Variants in MZT2A observed in about 807,000 individuals in gnomAD.
The protein encoded by MZT2A is mitotic-spindle organizing protein 2A.
In MZT2A, 8 loss-of-function variants were observed where a neutral mutation model predicts 12.4. The ratio of observed to expected loss-of-function variants is 0.64; its 90% CI spans 0.38 to 1.16. The LOEUF (loss-of-function observed/expected upper bound fraction) is 1.16. Among genes scored for constraint, MZT2A ranks in the 50% most tolerant of loss-of-function variants. The probability of loss-of-function intolerance (pLI) is 0.01; values close to 1 mark genes in which losing one functional copy is unlikely to be tolerated. For synonymous variants in MZT2A, 88 were observed against 107.5 expected (o/e 0.82, Z 1.12); for missense variants, 181 against 223.6 (o/e 0.81, Z 1.22).
At position 131,492,330 on chromosome 2, in the gene MZT2A, G is replaced by A; in HGVS notation, c.47C>T (p.Pro16Leu). The change falls in exon 1 of 3, where the codon CCG (proline) becomes CTG (leucine). Residue 16 changes from proline (P) to leucine (L), a missense_variant. This residue lies in a region of MZT2A where 106 missense variants were observed against 127.2 expected (regional missense o/e 0.83). Coordinates refer to ENST00000309451, the MANE Select transcript of MZT2A (RefSeq NM_001085365.2). ...CTTCTGCCGGGCCGCCTCCAGCCCCGGGGGCGCCGCCGACCCCGGCCCAGG... is the reference window on the plus strand; with the variant it reads ...CTTCTGCCGGGCCGCCTCCAGCCCCAGGGGCGCCGCCGACCCCGGCCCAGG... The part of the protein sequence containing the change: ...VGPGPGSAAP[P>L]GLEAARQKLA... The A allele has an allele frequency of 2.7e-6, 4 of 1,509,000 alleles. No individual in the cohort carries two copies. Among genetic ancestry groups the A allele is most frequent in the Non-Finnish European group, 2.6e-6 (3 of 1,137,214 alleles). The allele number at this position is 1,509,000 out of a possible 1,614,324, so 93.5% of individuals were successfully genotyped here. A position where few individuals can be genotyped will look rare whatever the true frequency, so the allele number is the denominator to read the frequency against.
downstream of MZT2A, chr2:131,482,466 G>A: frequency 2.6e-6 from 4 of 1,528,978 alleles, no homozygotes; most frequent in Admixed American, 2.1e-5. Context: ...GTCACCTACA[G>A]GGTGTCTTCT....
chr2:131,488,083 G>A (rs955682712), intron 2 of MZT2A, among the ~76,000 whole-genome samples: 4 of 152,078 alleles, frequency 2.6e-5, no homozygotes, highest in Non-Finnish European at 4.4e-5. Flanking sequence ...CATCTGCTGC[G>A]CATACCACAC....
chr2:131,477,903 CAAGTTTTAAAATAACCT>C (rs1678727220), intron 2 of MZT2A, among the ~76,000 whole-genome samples: 1 of 152,148 alleles, frequency 6.6e-6, no homozygotes, highest in Non-Finnish European at 1.5e-5. Flanking sequence ...ACATGGCTTC[CAAGTTTTAAAATAACCT>C]AAGTTTTGTG....
At chr2:131,480,482 C>T (rs1272270445), downstream of MZT2A, 7 of 1,589,366 alleles carry the variant, frequency 4.4e-6, 1 homozygote, top group Non-Finnish European at 6.0e-6. Flanking sequence ...TGCCGTACCC[C>T]CGCATCCACT....
chr2:131,480,519 A>G, downstream of MZT2A: 1 of 1,602,312 alleles, frequency 6.2e-7, no homozygotes, highest in Non-Finnish European at 8.5e-7. Context: ...TGCCCCAGTC[A>G]TCTCAGCTGA....
rs1679272048 is a variant in MZT2A at position 131,490,974 on chromosome 2, T to C, written c.319+902A>G. Reference sequence around the variant, plus strand: ...CCAGCACGCAGGTGCCCGGGCCCTCTTGGGTCAGCGGGCGTGGGTGCCCAG... The same window carrying C: ...CCAGCACGCAGGTGCCCGGGCCCTCCTGGGTCAGCGGGCGTGGGTGCCCAG... On this transcript the variant is annotated intron_variant, in intron 2 of 2. Transcript: ENST00000309451. 15 of 1,548,174 alleles carry C rather than the reference T, an allele frequency of 9.7e-6. No homozygotes were observed. In the South Asian group the frequency reaches 1.7e-4, roughly 17 times the overall value.
chr2:131,492,538 A>G, upstream of MZT2A: 1 of 1,126,286 alleles, frequency 8.9e-7, no homozygotes, highest in Non-Finnish European at 1.1e-6. Context: ...ATTGGAGCCC[A>G]ACAGTTAGTG....
At chr2:131,483,711 T>C (rs1470316000), downstream of MZT2A, among the ~76,000 whole-genome samples, 1 of 149,312 alleles carries the variant, frequency 6.7e-6, no homozygotes, top group African/African-American at 2.6e-5. Context: ...CAAGACTCCG[T>C]TTCAGAAAAC....
At chr2:131,486,766 A>C (rs918945151) in intron 2 of MZT2A, among the ~76,000 whole-genome samples, 14 of 152,046 alleles carry the variant, frequency 9.2e-5, no homozygotes, top group African/African-American at 2.9e-4. Flanking sequence ...CTGGGACTAC[A>C]AGCATGGGGC....
chr2:131,492,233 G>A lies in MZT2A; in HGVS notation c.144C>T (p.Gly48=). 6.3e-7 allele frequency: 1 copy of A among 1,583,506 alleles called. No individual in the cohort carries two copies. Among genetic ancestry groups the A allele is most frequent in the Non-Finnish European group, 8.5e-7 (1 of 1,170,886 alleles). Residue 48 remains glycine (G), a synonymous_variant, in exon 1 of 3, where the codon GGC becomes GGT. Transcript: ENST00000309451. ...TGAACACGTCGGGGTCGATACCGCC[G>A]CCCGCCGCCTGAGCCAGCTCGTACA... ...MELYELAQAA[G]GGIDPDVFKI... is the part of the protein sequence containing the mutation.
At position 131,492,020 on chromosome 2, in the gene MZT2A, G is replaced by A. The variant is rs1350005706; in HGVS notation, c.175C>T (p.Leu59=). 6 of 1,525,542 alleles carry A rather than the reference G, an allele frequency of 3.9e-6. No individual in the cohort carries two copies. In the African/African-American group the frequency reaches 5.5e-5, roughly 14 times the overall value. 94.5% of individuals were successfully genotyped at this position (1,525,542 alleles called of 1,614,324 possible). The change falls in exon 2 of 3, where the codon CTG becomes TTG. Residue 59 remains leucine, a synonymous_variant. Coordinates refer to ENST00000309451, the MANE Select transcript of MZT2A (RefSeq NM_001085365.2). ...ACGTTCAGCTTCAGCAGGTCCACCAGGATCCTGGCGGGGACAGACGCGGGG... is the reference window on the plus strand; with the variant it reads ...ACGTTCAGCTTCAGCAGGTCCACCAAGATCCTGGCGGGGACAGACGCGGGG... ...GGIDPDVFKI[L]VDLLKLNVAP...
downstream of MZT2A, among the ~76,000 whole-genome samples, chr2:131,481,681 C>T (rs1232719816): frequency 2.6e-5 from 4 of 152,034 alleles, no homozygotes; most frequent in Non-Finnish European, 2.9e-5. Flanking sequence ...GTGATCCACC[C>T]GCCTTAGCCT....
chr2:131,473,352 T>C (rs1678527432), intron 2 of MZT2A, among the ~76,000 whole-genome samples: 2 of 150,754 alleles, frequency 1.3e-5, no homozygotes, highest in South Asian at 2.1e-4. Context: ...GAAGACCTGA[T>C]TGCATTGTTC....
At chr2:131,484,610 G>A (rs528949425) in intron 2 of MZT2A, among the ~76,000 whole-genome samples, 8 of 152,274 alleles carry the variant, frequency 5.3e-5, no homozygotes, top group South Asian at 2.1e-4. Context: ...CAGCAGGGAC[G>A]CGCTGCCTCA....
At chr2:131,471,404 C>T (rs1222126573) in intron 3 of MZT2A, among the ~76,000 whole-genome samples, 1 of 133,868 alleles carries the variant, frequency 7.5e-6, no homozygotes, top group Non-Finnish European at 1.5e-5. Flanking sequence ...GAGCTGAGAT[C>T]GCATGACTGC....
intron 2 of MZT2A, chr2:131,476,053 C>A: frequency 6.7e-7 from 1 of 1,490,952 alleles, no homozygotes. Context: ...GCCCGCCTCC[C>A]AGGAACTCCG....
At chr2:131,493,307 C>T (rs1254340926), upstream of MZT2A, among the ~76,000 whole-genome samples, 5 of 152,178 alleles carry the variant, frequency 3.3e-5, no homozygotes, top group Admixed American at 2.6e-4. Context: ...CTGAGTCTTC[C>T]TGCCACTCCT....
At chr2:131,492,848 A>C (rs1157786623), upstream of MZT2A, 48 of 1,478,454 alleles carry the variant, frequency 3.2e-5, no homozygotes, top group Non-Finnish European at 2.2e-5. Flanking sequence ...CTAGGGAGAA[A>C]GTGCGTGAGC....
At chr2:131,481,319 A>G (rs975831113), downstream of MZT2A, among the ~76,000 whole-genome samples, 3 of 151,822 alleles carry the variant, frequency 2.0e-5, no homozygotes, top group Non-Finnish European at 4.4e-5. Context: ...CCCAGGCTGT[A>G]GTATAGTAGT....
Sources: gnomAD v4.1 joint callset for allele counts (sites outside exome capture counted in the v4.1 genomes callset) on GRCh38, gnomAD v4.1.1 for gene constraint, gnomAD v4.1.1 regional missense constraint, MANE v1.5 for transcripts, NCBI Gene and HGNC (gene_info 2026-07-23, HGNC 2026-07-21) for gene names.